Variants in CHST9 observed in about 807,000 individuals in gnomAD.
CHST9 encodes carbohydrate sulfotransferase 9.
CHST9 carries 41 observed loss-of-function variants against 44.4 expected under a neutral mutation model. That is an observed-to-expected ratio of 0.92 (90% CI 0.72 to 1.20). The LOEUF (loss-of-function observed/expected upper bound fraction) is 1.20. CHST9 is among the 50% of genes most tolerant of loss of function. CHST9 has a pLI of 0.00. For synonymous variants in CHST9, 171 were observed against 178.4 expected (o/e 0.96, Z 0.33); for missense variants, 504 against 516.5 (o/e 0.98, Z 0.23).
At chr18:27,089,808 G>C (rs1006176812) in intron 2 of CHST9, among the ~76,000 whole-genome samples, 6 of 106,822 alleles carry the variant, frequency 5.6e-5, no homozygotes, top group Admixed American at 1.1e-4. Context: ...GTTGTTTCCT[G>C]ACTTTTTTTT....
At chr18:27,040,254 G>C (rs2057430789) in intron 3 of CHST9, among the ~76,000 whole-genome samples, 2 of 152,208 alleles carry the variant, frequency 1.3e-5, no homozygotes, top group African/African-American at 4.8e-5. Context: ...AGCAATGTTG[G>C]AAAGATGTTC....
intron 1 of CHST9, among the ~76,000 whole-genome samples, chr18:27,183,844 G>A (rs2058933058): frequency 6.6e-6 from 1 of 152,172 alleles, no homozygotes; most frequent in East Asian, 1.9e-4. Flanking sequence ...TTATCCTCAC[G>A]TTGGTTGGCA....
chr18:27,009,718 T>G (rs552128161), intron 4 of CHST9, among the ~76,000 whole-genome samples: 4 of 152,246 alleles, frequency 2.6e-5, no homozygotes, highest in African/African-American at 9.6e-5. Context: ...TGTGGCTCTG[T>G]TGAAAAGGGT....
chr18:27,128,044 C>T (rs987129449), intron 2 of CHST9, among the ~76,000 whole-genome samples: 1 of 152,132 alleles, frequency 6.6e-6, no homozygotes, highest in Non-Finnish European at 1.5e-5. Flanking sequence ...CAGTAGAGAA[C>T]TTAGGATTGC....
rs1164300168 is a variant in CHST9, at chr18:27,051,464, G to A, written c.122-2961C>T. 2.0e-5 allele frequency among the ~76,000 whole-genome samples: 3 copies of A among 152,080 alleles called. 1 individual carries two copies. The highest frequency in any genetic ancestry group is 4.4e-5 in the Non-Finnish European group (3 of 68,018). On this transcript the variant is annotated intron_variant, in intron 2 of 5. Coordinates refer to ENST00000618847, the MANE Select transcript of CHST9 (RefSeq NM_031422.6). ...TATGGCTTCAATATTCCTTTCTTTT[G>A]GATCACTCCCTCTGGGGGATGCCGG...
chr18:26,998,179 TCTCCGTTGTGCC>T (rs2145221213), intron 4 of CHST9, among the ~76,000 whole-genome samples: 1 of 152,262 alleles, frequency 6.6e-6, no homozygotes, highest in East Asian at 1.9e-4. Flanking sequence ...GACTTAGCTC[TCTCCGTTGTGCC>T]CTCCTGGCAC....
At chr18:27,108,233 T>C (rs2058239237) in intron 2 of CHST9, among the ~76,000 whole-genome samples, 1 of 152,130 alleles carries the variant, frequency 6.6e-6, no homozygotes, top group Admixed American at 6.5e-5. Context: ...TGGCTGGATC[T>C]ATTTCCAAAT....
intron 3 of CHST9, among the ~76,000 whole-genome samples, chr18:27,025,050 T>TTATA (rs138381029): frequency 1.4e-5 from 2 of 147,396 alleles, no homozygotes; most frequent in African/African-American, 4.9e-5. Flanking sequence ...CTTTAAAACA[T>TTATA]TATATATATA....
chr18:27,003,225 A>G (rs2056973933), intron 4 of CHST9, among the ~76,000 whole-genome samples: 1 of 152,132 alleles, frequency 6.6e-6, no homozygotes, highest in Non-Finnish European at 1.5e-5. Flanking sequence ...TAATTATCCT[A>G]ATCATTTTCC....
intron 2 of CHST9, among the ~76,000 whole-genome samples, chr18:27,073,815 T>TCA (rs1555681614): frequency 4.0e-5 from 6 of 151,898 alleles, no homozygotes; most frequent in Non-Finnish European, 7.4e-5. Context: ...TTGTGACTAT[T>TCA]TATATATATA....
At chr18:27,063,046 G>A (rs967894834) in intron 2 of CHST9, among the ~76,000 whole-genome samples, 21 of 152,180 alleles carry the variant, frequency 1.4e-4, no homozygotes, top group African/African-American at 5.1e-4. Context: ...AAAACACCAA[G>A]GGTAGTTCCT....
At chr18:27,142,089 A>C (rs2058573083) in intron 2 of CHST9, among the ~76,000 whole-genome samples, 1 of 152,150 alleles carries the variant, frequency 6.6e-6, no homozygotes, top group Non-Finnish European at 1.5e-5. Flanking sequence ...TTTGTAAATA[A>C]AGTTTTATTG....
intron 4 of CHST9, among the ~76,000 whole-genome samples, chr18:26,974,460 G>A (rs765083263): frequency 1.5e-4 from 23 of 152,194 alleles, no homozygotes; most frequent in Non-Finnish European, 2.9e-4. Flanking sequence ...TATGTTTTCT[G>A]TATTTTATAA....
chr18:27,023,237 A>C (rs148978431), intron 4 of CHST9, among the ~76,000 whole-genome samples: 180 of 152,318 alleles, frequency 1.2e-3, no homozygotes, highest in East Asian at 4.4e-3. Flanking sequence ...CATCTAGGTG[A>C]TCAACATTAC....
chr18:27,041,989 T>A (rs929379266), intron 3 of CHST9, among the ~76,000 whole-genome samples: 1 of 152,082 alleles, frequency 6.6e-6, no homozygotes, highest in Non-Finnish European at 1.5e-5. Flanking sequence ...ATAGACTTCA[T>A]TAACATAGTT....
At chr18:26,947,711 C>T (rs1182551945) in intron 4 of CHST9, among the ~76,000 whole-genome samples, 1 of 152,144 alleles carries the variant, frequency 6.6e-6, no homozygotes, top group Non-Finnish European at 1.5e-5. Context: ...ACATCTCACA[C>T]CAGTTAGAAT....
intron 2 of CHST9, among the ~76,000 whole-genome samples, chr18:27,104,261 G>A (rs1025198278): frequency 2.6e-5 from 4 of 152,096 alleles, no homozygotes; most frequent in African/African-American, 9.7e-5. Flanking sequence ...CAAATACATA[G>A]TCAGGGCATT....
chr18:27,072,567 T>C (rs971034180), intron 2 of CHST9, among the ~76,000 whole-genome samples: 12 of 152,114 alleles, frequency 7.9e-5, no homozygotes, highest in African/African-American at 2.9e-4. Flanking sequence ...TGTAACTAAG[T>C]TGACACTCTG....
chr18:27,067,191 C>G (rs1272252331), intron 2 of CHST9, among the ~76,000 whole-genome samples: 1 of 152,016 alleles, frequency 6.6e-6, no homozygotes, highest in Non-Finnish European at 1.5e-5. Flanking sequence ...TAGTGGATAA[C>G]TTGGCTGGTA....
Sources: allele counts gnomAD v4.1 joint callset (sites outside exome capture counted in the v4.1 genomes callset), GRCh38; gene constraint gnomAD v4.1.1; transcripts MANE v1.5; gene names NCBI Gene and HGNC (gene_info 2026-07-23, HGNC 2026-07-21).